The following DYNC2H1 variants were observed in gnomAD, a reference collection of about 807,000 sequenced individuals.
The protein encoded by DYNC2H1 is dynein cytoplasmic 2 heavy chain 1, also known as cytoplasmic dynein 2 heavy chain 1.
In DYNC2H1, 410 loss-of-function variants were observed where a neutral mutation model predicts 570.0. The ratio of observed to expected loss-of-function variants is 0.72; its 90% CI spans 0.66 to 0.78. The LOEUF is 0.78. Ranked by LOEUF, DYNC2H1 falls within the 30% of genes least tolerant of loss-of-function variation. The probability of loss-of-function intolerance (pLI) is 0.00; values close to 1 mark genes in which losing one functional copy is unlikely to be tolerated. For synonymous variants in DYNC2H1, 1,688 were observed against 1,677.6 expected, an observed-to-expected ratio of 1.01 and a Z score of -0.15; for missense variants, 4,865 against 5,046.4, an observed-to-expected ratio of 0.96 and a Z score of 1.09.
At position 103,156,739 on chromosome 11, in the gene DYNC2H1, A is replaced by G. The variant is rs761604551; in HGVS notation, c.4096A>G (p.Thr1366Ala). 3 of 1,612,366 alleles carry G rather than the reference A, an allele frequency of 1.9e-6. No homozygotes were observed. The East Asian group carries it at 6.7e-5, about 36-fold the overall frequency. Reference protein sequence around the residue: ...FGRGALPKEQTRFNRVDEDFR... With the variant: ...FGRGALPKEQARFNRVDEDFR... ...CCGTGGAGCATTGCCAAAAGAACAG[A>G]CACGCTTCAACAGAGTTGATGAAGA... Residue 1366 changes from threonine to alanine, a missense_variant, in exon 26 of 89, where the codon ACA becomes GCA. Physicochemically the swap from Thr to Ala is moderately conservative, Grantham distance 58. This residue lies in a region of DYNC2H1 where 1,936 missense variants were observed against 1,962.1 expected (regional missense o/e 0.99). Transcript: ENST00000375735.
intron 83 of DYNC2H1, among the ~76,000 whole-genome samples, chr11:103,372,992 G>A (rs1941233505): frequency 6.6e-6 from 1 of 152,074 alleles, no homozygotes; most frequent in South Asian, 2.1e-4. Flanking sequence ...CACTCAGGCT[G>A]GAGTGCAGTG....
At chr11:103,296,680 C>T (rs7945431) in intron 75 of DYNC2H1, among the ~76,000 whole-genome samples, 25,087 of 151,918 alleles carry the variant, frequency 0.17, 2,256 homozygotes, top group Admixed American at 0.25. Flanking sequence ...CTGTTTTCTT[C>T]TTCATTTCTG....
In DYNC2H1 at chr11:103,256,287, T is replaced by C. The variant is rs754442223; in HGVS notation, c.10461+47T>C. ...ATTTCGTATTATGTTTTCTTGAACA[T>C]TTAGGTTAATATGATAGAAAATGTA... is the stretch of plus-strand genomic sequence containing the variant. On this transcript the variant is annotated intron_variant, in intron 68 of 88. Coordinates refer to ENST00000375735, the MANE Select transcript of DYNC2H1 (RefSeq NM_001377.3). The surrounding 1 kb of genome is among the most constrained non-coding windows in gnomAD (Gnocchi z 4.0). 41 of 1,523,664 alleles carry C rather than the reference T, an allele frequency of 2.7e-5. No homozygotes were observed. Among genetic ancestry groups the C allele is most frequent in the Non-Finnish European group, 3.3e-5 (37 of 1,126,912 alleles). 94.4% of individuals were successfully genotyped at this position (1,523,664 alleles called of 1,614,324 possible).
At chr11:103,411,062 G>T (rs990738587) in intron 84 of DYNC2H1, among the ~76,000 whole-genome samples, 1 of 152,074 alleles carries the variant, frequency 6.6e-6, no homozygotes, top group African/African-American at 2.4e-5. Context: ...TGTTTATGGG[G>T]TTGTGCAAAC....
chr11:103,284,943 T>A (rs1591523335), intron 73 of DYNC2H1, among the ~76,000 whole-genome samples: 1 of 152,182 alleles, frequency 6.6e-6, no homozygotes, highest in Non-Finnish European at 1.5e-5. Context: ...GATTAATGTG[T>A]TTGGGAAAGC....
intron 13 of DYNC2H1, among the ~76,000 whole-genome samples, chr11:103,131,053 T>C (rs537436968): frequency 6.6e-6 from 1 of 152,326 alleles, no homozygotes; most frequent in African/African-American, 2.4e-5. Flanking sequence ...ATTGAGCATC[T>C]CCTATATTCC....
chr11:103,315,005 A>G (rs941545377), intron 79 of DYNC2H1, among the ~76,000 whole-genome samples: 10 of 152,110 alleles, frequency 6.6e-5, no homozygotes, highest in African/African-American at 2.2e-4. Flanking sequence ...TTAATTGTTG[A>G]TGGGTACATA....
chr11:103,212,016 G>A (rs1863176042), intron 54 of DYNC2H1, 73 bp downstream of exon 54: 41 of 1,313,500 alleles, frequency 3.1e-5, no homozygotes, highest in Non-Finnish European at 4.0e-5. Flanking sequence ...ACAATGCTAT[G>A]TTGCGGGTGG....
intron 75 of DYNC2H1, among the ~76,000 whole-genome samples, chr11:103,291,756 C>A (rs981969106): frequency 6.6e-6 from 1 of 152,160 alleles, no homozygotes; most frequent in African/African-American, 2.4e-5. Context: ...TGTATAGATA[C>A]TTAGAATTCT....
rs1860828879 is a variant in DYNC2H1 at position 103,156,499 on chromosome 11, A to T, written c.3856A>T (p.Ser1286Cys). 6.2e-7 allele frequency: 1 copy of T among 1,613,674 alleles called. No individual in the cohort carries two copies. Among genetic ancestry groups the T allele is most frequent in the Non-Finnish European group, 8.5e-7 (1 of 1,179,768 alleles). ...ATTAATTGATTATGAAGACAGCCAAAGTCGAACTATGAAGCTGATTAAAGA... is the reference window on the plus strand; with the variant it reads ...ATTAATTGATTATGAAGACAGCCAATGTCGAACTATGAAGCTGATTAAAGA... ...FTLIDYEDSQ[S>C]RTMKLIKDWK... The change falls in exon 26 of 89, where the codon AGT becomes TGT. Residue 1286 changes from serine to cysteine, a missense_variant. Ser to Cys is a moderately radical substitution (Grantham distance 112, BLOSUM62 -1). Transcript: ENST00000375735.
At chr11:103,125,064 C>A (rs760105582) in intron 11 of DYNC2H1, 36 bp from the exon 12 acceptor site, 2 of 1,512,888 alleles carry the variant, frequency 1.3e-6, no homozygotes, top group South Asian at 1.2e-5. Flanking sequence ...ACAGTGAGAA[C>A]ATGAAACTTA....
intron 34 of DYNC2H1, among the ~76,000 whole-genome samples, chr11:103,172,807 C>G (rs1361415848): frequency 6.6e-6 from 1 of 151,946 alleles, no homozygotes; most frequent in African/African-American, 2.4e-5. Context: ...ATTAGTATCT[C>G]TTAAACATTC....
chr11:103,309,168 A>ATCTTTTTTTTTTTTTTTTTTTTT (rs1867444215), intron 78 of DYNC2H1, among the ~76,000 whole-genome samples: 3 of 54,620 alleles, frequency 5.5e-5, no homozygotes, highest in Non-Finnish European at 1.0e-4. Context: ...ACTGCATGCT[A>ATCTTTTTTTTTTTTTTTTTTTTT]TTTTTTTTTT....
At chr11:103,142,198 A>T (rs1280068188) in intron 17 of DYNC2H1, among the ~76,000 whole-genome samples, 3 of 152,220 alleles carry the variant, frequency 2.0e-5, no homozygotes, top group Non-Finnish European at 4.4e-5. Flanking sequence ...CGGCTCACGC[A>T]CGATGCGCTG....
At chr11:103,368,127 C>T (rs970183804) in intron 83 of DYNC2H1, among the ~76,000 whole-genome samples, 3 of 152,146 alleles carry the variant, frequency 2.0e-5, no homozygotes, top group Non-Finnish European at 2.9e-5. Context: ...GATATATACC[C>T]AGTAGTGAGA....
Position 103,177,496 on chromosome 11 carries a change from G to A in DYNC2H1, c.5875-60G>A. 6.6e-7 allele frequency: 1 copy of A among 1,515,072 alleles called. No individual in the cohort carries two copies. The highest frequency in any genetic ancestry group is 8.9e-7 in the Non-Finnish European group (1 of 1,128,096). 93.9% of individuals were successfully genotyped at this position (1,515,072 alleles called of 1,614,324 possible). A position where few individuals can be genotyped will look rare whatever the true frequency, so the allele number is the denominator to read the frequency against. ...TTAGAACAAGTGTTACAGAATAAAA[G>A]CAGAACTAAGTATGATTGAATATTA... On this transcript the variant is annotated intron_variant, in intron 37 of 88. Transcript: ENST00000375735. This position sits in a 1 kb window ranked among gnomAD's most constrained non-coding sequence, Gnocchi z 4.4.
chr11:103,342,896 G>A (rs1337667061), intron 82 of DYNC2H1, among the ~76,000 whole-genome samples: 1 of 152,096 alleles, frequency 6.6e-6, no homozygotes, highest in Non-Finnish European at 1.5e-5. Context: ...TATCTTGGGG[G>A]CTTGTCTGGG....
At chr11:103,332,312 G>GAAAAAAAAAAAAAAAAAAAAAA (rs71962098) in intron 82 of DYNC2H1, among the ~76,000 whole-genome samples, 1 of 122,544 alleles carries the variant, frequency 8.2e-6, no homozygotes, top group Non-Finnish European at 1.7e-5. Flanking sequence ...AAAAAACTGG[G>GAAAAAAAAAAAAAAAAAAAAAA]AAAAAAAAAA....
At chr11:103,202,287 AAC>A (rs202192475) in intron 50 of DYNC2H1, among the ~76,000 whole-genome samples, 1,319 of 122,364 alleles carry the variant, frequency 0.011, 15 homozygotes, top group African/African-American at 0.043. Context: ...TGAGACCAGA[AAC>A]ACAGATTTTT....
Sources: allele counts gnomAD v4.1 joint callset (sites outside exome capture counted in the v4.1 genomes callset), GRCh38; gene constraint gnomAD v4.1.1; regional missense constraint gnomAD v4.1.1; non-coding constraint Gnocchi (gnomAD v3.1); transcripts MANE v1.5; gene names NCBI Gene and HGNC (gene_info 2026-07-23, HGNC 2026-07-21).